Variants in RFX3 observed in about 807,000 individuals in gnomAD.
The protein encoded by RFX3 is regulatory factor X3, also known as transcription factor RFX3.
In RFX3, 14 loss-of-function variants were observed where a neutral mutation model predicts 98.6. The ratio of observed to expected loss-of-function variants is 0.14; its 90% CI spans 0.09 to 0.22. The LOEUF (loss-of-function observed/expected upper bound fraction) is 0.22, where lower values mean the gene tolerates loss of function less well. RFX3 is among the 10% of genes least tolerant of loss of function. The probability of loss-of-function intolerance (pLI) is 1.00; values close to 1 mark genes in which losing one functional copy is unlikely to be tolerated. For synonymous variants in RFX3, 383 were observed against 328.4 expected, an observed-to-expected ratio of 1.17 and a Z score of -1.80; for missense variants, 639 against 926.9, an observed-to-expected ratio of 0.69 and a Z score of 4.03.
chr9:3,523,565 A>C (rs1313059968), intron 1 of RFX3, among the ~76,000 whole-genome samples: 1 of 152,238 alleles, frequency 6.6e-6, no homozygotes, highest in Admixed American at 6.5e-5. Flanking sequence ...ATGCCTCAAA[A>C]AAAGTTCTCA....
At chr9:3,498,805 A>C (rs1851292114) in intron 1 of RFX3, among the ~76,000 whole-genome samples, 1 of 152,014 alleles carries the variant, frequency 6.6e-6, no homozygotes, top group Non-Finnish European at 1.5e-5. Context: ...TTATTATTAC[A>C]TCCGGCCTGG....
At chr9:3,356,153 A>T (rs1235557203) in intron 2 of RFX3, among the ~76,000 whole-genome samples, 3 of 114,506 alleles carry the variant, frequency 2.6e-5, no homozygotes, top group African/African-American at 1.5e-4. Context: ...ATCTAGAATA[A>T]GTGGAAGGAA....
chr9:3,373,940 T>C (rs1381342095), intron 2 of RFX3, among the ~76,000 whole-genome samples: 1 of 150,966 alleles, frequency 6.6e-6, no homozygotes, highest in Admixed American at 6.6e-5. Context: ...TAGCCAGGAG[T>C]GGTGGCATGC....
intron 15 of RFX3, among the ~76,000 whole-genome samples, chr9:3,246,383 G>T (rs1444823207): frequency 6.6e-6 from 1 of 152,100 alleles, no homozygotes; most frequent in Non-Finnish European, 1.5e-5. Context: ...AGCATACCAG[G>T]AGGTTGCTAA....
chr9:3,334,575 G>C (rs141058617), intron 3 of RFX3, among the ~76,000 whole-genome samples: 12 of 152,270 alleles, frequency 7.9e-5, no homozygotes, highest in Middle Eastern at 3.4e-3. Flanking sequence ...AAGGGATAAA[G>C]TCACTAAAGA....
At chr9:3,439,505 G>C (rs1452995303) in intron 1 of RFX3, among the ~76,000 whole-genome samples, 1 of 151,938 alleles carries the variant, frequency 6.6e-6, no homozygotes, top group Admixed American at 6.6e-5. Context: ...GATAATATGG[G>C]AATATTTTAA....
At chr9:3,289,428 G>A (rs550053925) in intron 6 of RFX3, among the ~76,000 whole-genome samples, 2 of 152,122 alleles carry the variant, frequency 1.3e-5, no homozygotes, top group East Asian at 3.9e-4. Flanking sequence ...GCAGAGATTA[G>A]ATCTTGTCTC....
intron 5 of RFX3, among the ~76,000 whole-genome samples, chr9:3,298,681 T>A (rs1828295622): frequency 1.3e-5 from 2 of 151,772 alleles, no homozygotes; most frequent in African/African-American, 2.4e-5. Flanking sequence ...ATGTTGAAAA[T>A]GGGGTAGAAA....
intron 1 of RFX3, among the ~76,000 whole-genome samples, chr9:3,485,634 G>A (rs2133420616): frequency 6.6e-6 from 1 of 152,204 alleles, no homozygotes; most frequent in Admixed American, 6.5e-5. Context: ...TTTTAGTTCT[G>A]TCTATAATCC....
At chr9:3,392,014 C>G (rs1363663969) in intron 2 of RFX3, among the ~76,000 whole-genome samples, 2 of 152,118 alleles carry the variant, frequency 1.3e-5, no homozygotes, top group Non-Finnish European at 2.9e-5. Flanking sequence ...AAGCATTCCC[C>G]CACTAGGCAG....
chr9:3,495,045 T>C (rs1851005558), intron 1 of RFX3, among the ~76,000 whole-genome samples: 1 of 151,960 alleles, frequency 6.6e-6, no homozygotes, highest in African/African-American at 2.4e-5. Flanking sequence ...AACTTTAAAT[T>C]GCCCTGAAAA....
intron 16 of RFX3, among the ~76,000 whole-genome samples, chr9:3,228,631 A>C (rs768868457): frequency 6.6e-6 from 1 of 152,206 alleles, no homozygotes; most frequent in Non-Finnish European, 1.5e-5. Context: ...ACTACATTTA[A>C]ATTCAGTTAT....
chr9:3,443,025 T>C (rs577117916), intron 1 of RFX3, among the ~76,000 whole-genome samples: 1 of 152,094 alleles, frequency 6.6e-6, no homozygotes, highest in South Asian at 2.1e-4. Flanking sequence ...CAAAACTCAA[T>C]AATAAACAAC....
intron 1 of RFX3, chr9:3,420,714 T>C: frequency 1.1e-6 from 1 of 892,902 alleles, no homozygotes; most frequent in Non-Finnish European, 1.3e-6. Context: ...AGTCAGGAAT[T>C]ATTTCTATAA....
intron 11 of RFX3, among the ~76,000 whole-genome samples, chr9:3,268,128 G>C (rs987940693): frequency 6.6e-5 from 10 of 151,732 alleles, no homozygotes; most frequent in South Asian, 6.2e-4. Flanking sequence ...GTTACCCATT[G>C]AGTGCTCATA....
chr9:3,447,253 ATAAAG>A (rs1315643588), intron 1 of RFX3, among the ~76,000 whole-genome samples: 3 of 152,186 alleles, frequency 2.0e-5, no homozygotes, highest in African/African-American at 4.8e-5. Context: ...GAAGTGCTCT[ATAAAG>A]TACTCAGTCA....
intron 2 of RFX3, among the ~76,000 whole-genome samples, chr9:3,350,708 A>G (rs1835005339): frequency 6.6e-6 from 1 of 152,166 alleles, no homozygotes; most frequent in Admixed American, 6.5e-5. Context: ...ACTACACATC[A>G]AAACAATGAA....
At chr9:3,403,096 T>C (rs1330537947) in intron 1 of RFX3, among the ~76,000 whole-genome samples, 1 of 152,130 alleles carries the variant, frequency 6.6e-6, no homozygotes, top group Non-Finnish European at 1.5e-5. Flanking sequence ...ATTTAATTTC[T>C]TAAAACTCTG....
chr9:3,431,197 T>A (rs112864217), intron 1 of RFX3, among the ~76,000 whole-genome samples: 1 of 152,152 alleles, frequency 6.6e-6, no homozygotes, highest in Non-Finnish European at 1.5e-5. Flanking sequence ...AAATTGTGTA[T>A]CACAGTAAAA....
Sources: gnomAD v4.1 joint callset for allele counts (sites outside exome capture counted in the v4.1 genomes callset) on GRCh38, gnomAD v4.1.1 for gene constraint, MANE v1.5 for transcripts, NCBI Gene and HGNC (gene_info 2026-07-23, HGNC 2026-07-21) for gene names.